PHACTR3: variants seen among roughly 807,000 people sequenced by gnomAD.
PHACTR3 encodes the protein phosphatase and actin regulator 3.
A neutral mutation model predicts 66.8 loss-of-function variants in PHACTR3; 16 were observed. The ratio of observed to expected loss-of-function variants is 0.24; its 90% CI spans 0.16 to 0.36. The LOEUF (loss-of-function observed/expected upper bound fraction) is 0.36, where lower values mean the gene tolerates loss of function less well. Among genes scored for constraint, PHACTR3 ranks in the 10% least tolerant of loss-of-function variants. The pLI, the probability that PHACTR3 is intolerant of heterozygous loss-of-function variation, is 1.00. For synonymous variants in PHACTR3, 323 were observed against 292.1 expected (o/e 1.11, Z -1.08); for missense variants, 647 against 719.9 (o/e 0.90, Z 1.16).
intron 1 of PHACTR3, among the ~76,000 whole-genome samples, chr20:59,637,889 A>G (rs2034952699): frequency 6.6e-6 from 1 of 152,172 alleles, no homozygotes; most frequent in East Asian, 1.9e-4. Context: ...TGCCAAGCAC[A>G]TAGTTCTTTA....
chr20:59,673,171 C>A (rs188303133), intron 1 of PHACTR3, among the ~76,000 whole-genome samples: 83 of 152,322 alleles, frequency 5.4e-4, no homozygotes, highest in African/African-American at 1.9e-3. Flanking sequence ...TATTTGGCAT[C>A]TTCTCAGAGT....
At position 59,847,104 on chromosome 20, in the gene PHACTR3, A is replaced by T. The variant is rs370276952; in HGVS notation, c.1665-11A>T. Reference sequence around the variant, plus strand: ...TAACCTTAAATTCTTTGTCTTTTTTATAATCTCTAGATTCCACAGGCCATA... The same window carrying T: ...TAACCTTAAATTCTTTGTCTTTTTTTTAATCTCTAGATTCCACAGGCCATA... On this transcript the variant is annotated splice_polypyrimidine_tract_variant and intron_variant, in intron 12 of 12. Transcript: ENST00000371015. 3.6e-5 allele frequency: 55 copies of T among 1,510,032 alleles called. No homozygotes were observed. In the African/African-American group the frequency reaches 7.1e-4, roughly 20 times the overall value. 93.5% of individuals were successfully genotyped at this position (1,510,032 alleles called of 1,614,324 possible).
At chr20:59,616,107 A>G (rs756226684) in intron 1 of PHACTR3, among the ~76,000 whole-genome samples, 23 of 152,122 alleles carry the variant, frequency 1.5e-4, no homozygotes, top group Non-Finnish European at 3.1e-4. Flanking sequence ...TCTACCTAAC[A>G]TCTCTGATCC....
chr20:59,639,631 C>T (rs984106280), intron 1 of PHACTR3, among the ~76,000 whole-genome samples: 2 of 152,176 alleles, frequency 1.3e-5, no homozygotes, highest in Non-Finnish European at 2.9e-5. Context: ...AGTTCTATAA[C>T]TTACTAGCTG....
In PHACTR3 at chr20:59,666,807, C is replaced by T. The variant is rs367991490; in HGVS notation, c.118+61675C>T. On this transcript the variant is annotated intron_variant, in intron 1 of 12. Coordinates refer to ENST00000371015, the MANE Select transcript of PHACTR3 (RefSeq NM_080672.5). ...GAAGGGGACATGCAGGGCAGGCTCG[C>T]GGTCCAGGTCCTGAGATCCAGAGAA... 1.8e-4 allele frequency among the ~76,000 whole-genome samples: 28 copies of T among 152,312 alleles called. No individual in the cohort carries two copies. The East Asian group carries it at 3.3e-3, about 18-fold the overall frequency.
intron 1 of PHACTR3, among the ~76,000 whole-genome samples, chr20:59,582,536 T>G (rs747712304): frequency 6.6e-6 from 1 of 152,240 alleles, no homozygotes; most frequent in Admixed American, 6.5e-5. Context: ...CCAAAGTGGC[T>G]GTGTCACTCC....
intron 1 of PHACTR3, among the ~76,000 whole-genome samples, chr20:59,587,833 C>T (rs146772910): frequency 1.8e-4 from 28 of 152,350 alleles, no homozygotes; most frequent in East Asian, 9.6e-4. Context: ...CCCTGGCTCA[C>T]GTCTACCTTC....
intron 3 of PHACTR3, among the ~76,000 whole-genome samples, chr20:59,752,309 C>T (rs750118085): frequency 7.9e-5 from 12 of 152,234 alleles, no homozygotes; most frequent in Non-Finnish European, 1.5e-4. Flanking sequence ...ATGTCTGCAA[C>T]ACGTTCCCTC....
rs555770842 is a variant in PHACTR3, at chr20:59,674,020, G to A, written c.118+68888G>A. On this transcript the variant is annotated intron_variant, in intron 1 of 12. Transcript: ENST00000371015. ...CGCTGGTCTCCAGACCTGCCTGCCC[G>A]AGGAGTCGAGCTTCTGATGAAATTC... 8.5e-5 allele frequency among the ~76,000 whole-genome samples: 13 copies of A among 152,120 alleles called. No individual in the cohort carries two copies. In the South Asian group the frequency reaches 1.2e-3, roughly 15 times the overall value.
chr20:59,792,349 G>A (rs2041130453), intron 7 of PHACTR3, among the ~76,000 whole-genome samples: 2 of 152,230 alleles, frequency 1.3e-5, no homozygotes, highest in Non-Finnish European at 2.9e-5. Flanking sequence ...GAATGGCTGA[G>A]TCATGTGGTA....
intron 12 of PHACTR3, among the ~76,000 whole-genome samples, chr20:59,845,952 C>G (rs992396967): frequency 6.6e-6 from 1 of 152,158 alleles, no homozygotes; most frequent in African/African-American, 2.4e-5. Flanking sequence ...ATTTAACTCT[C>G]TTTACTTATT....
intron 7 of PHACTR3, among the ~76,000 whole-genome samples, chr20:59,798,081 C>A (rs761720306): frequency 2.0e-5 from 3 of 152,092 alleles, no homozygotes; most frequent in Non-Finnish European, 2.9e-5. Context: ...ATTTATTTTT[C>A]CCAGTTCTGG....
intron 1 of PHACTR3, among the ~76,000 whole-genome samples, chr20:59,712,654 T>C (rs2037949396): frequency 6.6e-6 from 1 of 152,220 alleles, no homozygotes; most frequent in Admixed American, 6.5e-5. Flanking sequence ...TAGAATTCAC[T>C]GAAAACACAT....
intron 1 of PHACTR3, among the ~76,000 whole-genome samples, chr20:59,706,060 A>G (rs150993487): frequency 2.1e-3 from 325 of 152,320 alleles, no homozygotes; most frequent in African/African-American, 7.4e-3. Context: ...GAATTGTGCA[A>G]TAGGCTTTAA....
intron 1 of PHACTR3, among the ~76,000 whole-genome samples, chr20:59,685,326 G>A (rs1695663755): frequency 6.6e-6 from 1 of 152,170 alleles, no homozygotes; most frequent in Non-Finnish European, 1.5e-5. Flanking sequence ...CCATTCCTGG[G>A]GAACAGTGGC....
At chr20:59,613,601 C>T (rs1167115059) in intron 1 of PHACTR3, among the ~76,000 whole-genome samples, 8 of 152,252 alleles carry the variant, frequency 5.3e-5, no homozygotes, top group East Asian at 1.9e-4. Context: ...GCAGGTTCCG[C>T]GGAAGGGGAG....
chr20:59,819,527 C>A (rs1341752554), intron 8 of PHACTR3, among the ~76,000 whole-genome samples: 1 of 149,556 alleles, frequency 6.7e-6, no homozygotes, highest in Non-Finnish European at 1.5e-5. Context: ...CAGATTGAGA[C>A]CCTGTCGTTA....
At chr20:59,720,074 G>A (rs554295215) in intron 1 of PHACTR3, among the ~76,000 whole-genome samples, 221 of 152,308 alleles carry the variant, frequency 1.5e-3, no homozygotes, top group Non-Finnish European at 2.6e-3. Flanking sequence ...TGAGCACAGG[G>A]AACAGGCATC....
intron 1 of PHACTR3, among the ~76,000 whole-genome samples, chr20:59,700,330 G>A (rs553713815): frequency 1.3e-5 from 2 of 151,690 alleles, no homozygotes; most frequent in East Asian, 4.0e-4. Flanking sequence ...GTGCTACCTC[G>A]AATAATCTTT....
Sources: allele counts gnomAD v4.1 joint callset (sites outside exome capture counted in the v4.1 genomes callset), GRCh38; gene constraint gnomAD v4.1.1; transcripts MANE v1.5; gene names NCBI Gene and HGNC (gene_info 2026-07-23, HGNC 2026-07-21).